PHYH: variants seen among roughly 807,000 people sequenced by gnomAD.
The protein encoded by PHYH is phytanoyl-CoA 2-hydroxylase, also known as phytanoyl-CoA dioxygenase, peroxisomal.
In PHYH, 32 loss-of-function variants were observed where a neutral mutation model predicts 38.5. The observed-to-expected ratio is 0.83, with a 90% CI of 0.63 to 1.12. The LOEUF is 1.12. PHYH is among the 50% of genes most tolerant of loss of function. The pLI is 0.00. For synonymous variants in PHYH, 166 were observed against 157.9 expected (o/e 1.05, Z -0.38); for missense variants, 426 against 434.8 (o/e 0.98, Z 0.18).
intron 6 of PHYH, among the ~76,000 whole-genome samples, chr10:13,284,920 A>G (rs1220731124): frequency 1.3e-5 from 2 of 152,042 alleles, no homozygotes; most frequent in Non-Finnish European, 2.9e-5. Flanking sequence ...GCCAGGGTGA[A>G]TGTGTGACCC....
chr10:13,299,726 A>G lies in PHYH; in HGVS notation c.75+242T>C. 3 of 1,302,642 alleles carry G rather than the reference A, an allele frequency of 2.3e-6. No individual in the cohort carries two copies. The South Asian group carries it at 6.6e-5, about 29-fold the overall frequency. The allele number at this position is 1,302,642 out of a possible 1,614,324, so 80.7% of individuals were successfully genotyped here. On this transcript the variant is annotated intron_variant, in intron 1 of 8. Transcript: ENST00000263038. ...GAGGCCCCCAGGGATCCCGGAGGGCAGGGCAACGCGGCAATTGCCCCGACC... is the reference window on the plus strand; with the variant it reads ...GAGGCCCCCAGGGATCCCGGAGGGCGGGGCAACGCGGCAATTGCCCCGACC...
chr10:13,290,368 C>T (rs1304580051), intron 5 of PHYH, among the ~76,000 whole-genome samples: 2 of 152,100 alleles, frequency 1.3e-5, no homozygotes, highest in Non-Finnish European at 1.5e-5. Flanking sequence ...CATGTCCAGT[C>T]GGAGTGCCCA....
Position 13,283,001 on chromosome 10 carries a change from A to G in PHYH, c.828+689T>C, listed in dbSNP as rs915653503. On this transcript the variant is annotated intron_variant, in intron 7 of 8. Transcript: ENST00000263038. ...AGACAACAGTGATTTTTTCTTTTTT[A>G]GTAGAAGTGGGGTCTCGCCATGTTG... is the stretch of plus-strand genomic sequence containing the variant. Among the ~76,000 whole-genome samples, 12 of 151,546 alleles carry G rather than the reference A, an allele frequency of 7.9e-5. 1 individual carries two copies. Among genetic ancestry groups the G allele is most frequent in the Middle Eastern group, 6.4e-3 (2 of 314 alleles).
intron 6 of PHYH, among the ~76,000 whole-genome samples, chr10:13,286,861 G>A (rs1250532095): frequency 5.3e-5 from 8 of 152,184 alleles, no homozygotes; most frequent in Admixed American, 2.0e-4. Context: ...CTAACCTGCA[G>A]TAACAGAAAG....
intron 1 of PHYH, chr10:13,299,541 C>T: frequency 9.9e-7 from 1 of 1,010,236 alleles, no homozygotes; most frequent in Non-Finnish European, 1.2e-6. Context: ...ACCGTCCTCT[C>T]CCCTCCGGAG....
At chr10:13,280,940 C>G (rs1013796499) in intron 8 of PHYH, 36 bp downstream of exon 8, 2 of 1,604,284 alleles carry the variant, frequency 1.2e-6, no homozygotes, top group Admixed American at 1.7e-5. Flanking sequence ...AAAGAAAAAC[C>G]TGAGATTTTT....
rs533643481 is a variant in PHYH at position 13,278,093 on chromosome 10, T to A, written c.*208A>T. The A allele has an allele frequency of 5.5e-6, 3 of 546,150 alleles. No homozygotes were observed. In the Admixed American group the frequency reaches 9.3e-5, roughly 17 times the overall value. 33.8% of individuals were successfully genotyped at this position (546,150 alleles called of 1,614,324 possible). On this transcript the variant is annotated 3_prime_UTR_variant, in exon 9 of 9. Coordinates refer to ENST00000263038, the MANE Select transcript of PHYH (RefSeq NM_006214.4). ...CCTAAATTAGTTTTCCTTAAAACAG[T>A]AATATTTCACTTTTACTGTTTTTTT...
intron 4 of PHYH, among the ~76,000 whole-genome samples, chr10:13,292,541 C>T (rs1278608441): frequency 1.3e-5 from 2 of 152,092 alleles, no homozygotes; most frequent in Non-Finnish European, 2.9e-5. Flanking sequence ...CATGGGGAAC[C>T]GTGACAGGGA....
chr10:13,286,248 T>C (rs500800), intron 6 of PHYH, among the ~76,000 whole-genome samples: 93,557 of 151,894 alleles, frequency 0.62, 29,860 homozygotes, highest in African/African-American at 0.8. Flanking sequence ...CCTATACCTC[T>C]AACGCGTCCT....
In PHYH at chr10:13,278,364, A is replaced by G; in HGVS notation, c.964-10T>C. 6.2e-7 allele frequency: 1 copy of G among 1,605,398 alleles called. No individual in the cohort carries two copies. Among genetic ancestry groups the G allele is most frequent in the Non-Finnish European group, 8.5e-7 (1 of 1,172,102 alleles). The stretch of plus-strand genomic sequence containing the variant: ...GAAACATCCAAATATCCTGGAAATA[A>G]TATCAAACAGAGTGGGTTTATGGAA... On this transcript the variant is annotated splice_polypyrimidine_tract_variant and intron_variant, in intron 8 of 8. Coordinates refer to ENST00000263038, the MANE Select transcript of PHYH (RefSeq NM_006214.4).
intron 1 of PHYH, among the ~76,000 whole-genome samples, chr10:13,298,715 CACCACTACTACT>C (rs1444260021): frequency 1.3e-4 from 15 of 115,364 alleles, no homozygotes; most frequent in South Asian, 7.7e-4. Flanking sequence ...AAAAAACTAC[CACCACTACTACT>C]ACTACTACTA....
chr10:13,288,291 G>T lies in PHYH; in HGVS notation c.678+69C>A, dbSNP rs7900830. 324,769 of 1,317,672 alleles carry T rather than the reference G, an allele frequency of 0.25. 41,692 individuals are homozygous for T. The highest frequency in any genetic ancestry group is 0.34 in the African/African-American group (23,288 of 68,908). 81.6% of individuals were successfully genotyped at this position (1,317,672 alleles called of 1,614,324 possible). A position where few individuals can be genotyped will look rare whatever the true frequency, so the allele number is the denominator to read the frequency against. The stretch of plus-strand genomic sequence containing the variant: ...TGCCATCTCATTTGTAAACTCTTTA[G>T]AGGTACTGATGTGAAACAGAAACTG... On this transcript the variant is annotated intron_variant, in intron 6 of 8. Coordinates refer to ENST00000263038, the MANE Select transcript of PHYH (RefSeq NM_006214.4).
At chr10:13,281,565 T>C (rs1174196940) in intron 7 of PHYH, among the ~76,000 whole-genome samples, 1 of 152,102 alleles carries the variant, frequency 6.6e-6, no homozygotes, top group Non-Finnish European at 1.5e-5. Flanking sequence ...AAAAATACCT[T>C]GAGATAGAAA....
At chr10:13,299,738 C>A in intron 1 of PHYH, 2 of 1,308,116 alleles carry the variant, frequency 1.5e-6, no homozygotes, top group Non-Finnish European at 1.9e-6. Context: ...GGCAACGCGG[C>A]AATTGCCCCG....
At chr10:13,294,842 G>T in intron 3 of PHYH, 2 of 514,548 alleles carry the variant, frequency 3.9e-6, no homozygotes, top group Non-Finnish European at 7.0e-6. Context: ...TGGTTACATT[G>T]TAATAATAAT....
At chr10:13,293,264 C>T (rs1247960199) in intron 4 of PHYH, among the ~76,000 whole-genome samples, 1 of 152,062 alleles carries the variant, frequency 6.6e-6, no homozygotes, top group East Asian at 1.9e-4. Context: ...CAATGATTTC[C>T]CTACCCTTAG....
At chr10:13,287,664 T>G (rs1564423578) in intron 6 of PHYH, among the ~76,000 whole-genome samples, 2 of 152,188 alleles carry the variant, frequency 1.3e-5, no homozygotes, top group African/African-American at 2.4e-5. Context: ...AAGGCTCAGG[T>G]CAGACACCAG....
intron 5 of PHYH, among the ~76,000 whole-genome samples, chr10:13,290,433 C>T (rs1247698750): frequency 1.3e-5 from 2 of 152,196 alleles, no homozygotes; most frequent in Admixed American, 1.3e-4. Flanking sequence ...TCCCGAACAC[C>T]TGCTCTCCTC....
rs1835329955 is a variant in PHYH at position 13,278,094 on chromosome 10, A to G, written c.*207T>C. The G allele has an allele frequency of 9.2e-6, 5 of 544,038 alleles. No individual in the cohort carries two copies. The East Asian group carries it at 1.6e-4, about 17-fold the overall frequency. 33.7% of individuals were successfully genotyped at this position (544,038 alleles called of 1,614,324 possible). A position where few individuals can be genotyped will look rare whatever the true frequency, so the allele number is the denominator to read the frequency against. The stretch of plus-strand genomic sequence containing the variant: ...CTAAATTAGTTTTCCTTAAAACAGT[A>G]ATATTTCACTTTTACTGTTTTTTTT... On this transcript the variant is annotated 3_prime_UTR_variant, in exon 9 of 9. Coordinates refer to ENST00000263038, the MANE Select transcript of PHYH (RefSeq NM_006214.4).
Sources: gnomAD v4.1 joint callset for allele counts (sites outside exome capture counted in the v4.1 genomes callset) on GRCh38, gnomAD v4.1.1 for gene constraint, MANE v1.5 for transcripts, NCBI Gene and HGNC (gene_info 2026-07-23, HGNC 2026-07-21) for gene names.